The following TIAM1 variants were observed in gnomAD, a reference collection of about 807,000 sequenced individuals.
TIAM1 encodes TIAM Rac1 associated GEF 1, also known as rho guanine nucleotide exchange factor TIAM1.
TIAM1 carries 65 observed loss-of-function variants against 163.5 expected under a neutral mutation model. The observed-to-expected ratio is 0.40, with a 90% CI of 0.33 to 0.49. The LOEUF is 0.49. Ranked by LOEUF, TIAM1 falls within the 20% of genes least tolerant of loss-of-function variation. The pLI, the probability that TIAM1 is intolerant of heterozygous loss-of-function variation, is 0.77. For synonymous variants in TIAM1, 833 were observed against 810.1 expected (o/e 1.03, Z -0.48); for missense variants, 1,789 against 2,044.7 (o/e 0.87, Z 2.41).
chr21:31,449,352 A>T (rs773766432), intron 2 of TIAM1, among the ~76,000 whole-genome samples: 10 of 151,978 alleles, frequency 6.6e-5, no homozygotes, highest in Non-Finnish European at 1.5e-4. Flanking sequence ...AAAAACAGTC[A>T]TAGTTCTTTT....
chr21:31,404,816 A>C (rs1293656227), intron 2 of TIAM1, among the ~76,000 whole-genome samples: 2 of 152,126 alleles, frequency 1.3e-5, no homozygotes, highest in Non-Finnish European at 2.9e-5. Flanking sequence ...ACTTCTTGTA[A>C]GTAAGTCCAC....
intron 15 of TIAM1, among the ~76,000 whole-genome samples, chr21:31,168,184 A>G (rs543809201): frequency 2.7e-5 from 4 of 145,598 alleles, no homozygotes; most frequent in African/African-American, 1.0e-4. Flanking sequence ...CCTCCGCCCC[A>G]TGGGTTCAAG....
chr21:31,324,811 ATTTC>A (rs1196816616), intron 2 of TIAM1, among the ~76,000 whole-genome samples: 1 of 152,220 alleles, frequency 6.6e-6, no homozygotes, highest in Admixed American at 6.5e-5. Context: ...CAACAAAATC[ATTTC>A]TTTAAGTATT....
chr21:31,311,684 G>A, intron 2 of TIAM1, among the ~76,000 whole-genome samples: 1 of 152,214 alleles, frequency 6.6e-6, no homozygotes, highest in East Asian at 1.9e-4. Context: ...GGACTGAGCA[G>A]TGATTGAGAA....
At chr21:31,385,884 A>AATATAATTAATTAGTTG (rs58893902) in intron 2 of TIAM1, among the ~76,000 whole-genome samples, 57,231 of 145,338 alleles carry the variant, frequency 0.39, 11,602 homozygotes, top group Middle Eastern at 0.54. Context: ...TATATTAGTT[A>AATATAATTAATTAGTTG]ATATAATTAT....
intron 1 of TIAM1, among the ~76,000 whole-genome samples, chr21:31,556,556 C>A (rs1349201281): frequency 6.6e-6 from 1 of 151,378 alleles, no homozygotes; most frequent in Non-Finnish European, 1.5e-5. Flanking sequence ...TCAATAAAAT[C>A]TTTGTCGTTA....
chr21:31,156,324 C>T (rs1036403199), intron 16 of TIAM1, among the ~76,000 whole-genome samples: 1 of 152,168 alleles, frequency 6.6e-6, no homozygotes, highest in African/African-American at 2.4e-5. Flanking sequence ...GTGTCAGTCA[C>T]CTGTCAGTGG....
At chr21:31,422,039 AAAC>A (rs1892920647) in intron 2 of TIAM1, among the ~76,000 whole-genome samples, 1 of 152,060 alleles carries the variant, frequency 6.6e-6, no homozygotes, top group Admixed American at 6.6e-5. Flanking sequence ...AAAAAACAAA[AAAC>A]AACAACAAAA....
Position 31,367,834 on chromosome 21 carries a change from T to C in TIAM1, c.-368-28412A>G, listed in dbSNP as rs2284500. On this transcript the variant is annotated intron_variant, in intron 2 of 28. Transcript: ENST00000286827. ...ATCCTCATGGGCCACTAAATTATAA[T>C]ATTTTAACTTCAAATGACGTCTAAC... Among the ~76,000 whole-genome samples the C allele has an allele frequency of 3.1e-3, 479 of 152,362 alleles. 11 individuals are homozygous for C. The East Asian group carries it at 0.061, about 20-fold the overall frequency.
At chr21:31,342,977 T>A (rs1244065179) in intron 1 of TIAM1, among the ~76,000 whole-genome samples, 4 of 152,160 alleles carry the variant, frequency 2.6e-5, no homozygotes, top group Admixed American at 2.6e-4. Flanking sequence ...AGAAAAATGA[T>A]AAAATCAGCT....
chr21:31,389,771 T>C (rs1474664231), intron 2 of TIAM1, among the ~76,000 whole-genome samples: 1 of 152,220 alleles, frequency 6.6e-6, no homozygotes, highest in Admixed American at 6.5e-5. Flanking sequence ...ACCTACTTAG[T>C]GAGAACAAGC....
intron 2 of TIAM1, chr21:31,453,355 A>G (rs2044948428): frequency 6.3e-6 from 1 of 159,532 alleles, no homozygotes; most frequent in African/African-American, 2.4e-5. Flanking sequence ...GGGTGTCTAT[A>G]GGTAGGGAGA....
chr21:31,337,512 A>G lies in TIAM1; in HGVS notation c.-189+1731T>C, dbSNP rs534155069. ...AATAATTGTTGTTTTTATTATTATTATTGTTGTTATTATTATTATTATTAT... is the reference window on the plus strand; with the variant it reads ...AATAATTGTTGTTTTTATTATTATTGTTGTTGTTATTATTATTATTATTAT... On this transcript the variant is annotated intron_variant, in intron 2 of 27. Transcript: ENST00000541036. Among the ~76,000 whole-genome samples, 1,284 of 131,630 alleles carry G rather than the reference A, an allele frequency of 9.8e-3. 17 individuals are homozygous for G. Among genetic ancestry groups the G allele is most frequent in the Middle Eastern group, 0.039 (9 of 232 alleles). 86.4% of individuals were successfully genotyped at this position (131,630 alleles called of 152,430 possible).
At chr21:31,338,575 A>C (rs2075922708) in intron 2 of TIAM1, among the ~76,000 whole-genome samples, 1 of 152,156 alleles carries the variant, frequency 6.6e-6, no homozygotes, top group African/African-American at 2.4e-5. Flanking sequence ...TTAGAAGGGA[A>C]ACTGAAGTAC....
intron 2 of TIAM1, among the ~76,000 whole-genome samples, chr21:31,409,094 C>T (rs2077298351): frequency 2.0e-5 from 3 of 150,454 alleles, no homozygotes; most frequent in Admixed American, 6.6e-5. Context: ...ATGGCAGCAA[C>T]TCAGACCTTC....
At chr21:31,171,160 G>A (rs569283971) in intron 15 of TIAM1, among the ~76,000 whole-genome samples, 4 of 151,962 alleles carry the variant, frequency 2.6e-5, no homozygotes, top group Non-Finnish European at 4.4e-5. Flanking sequence ...ATGCTAGGAC[G>A]GTAGATTACC....
intron 2 of TIAM1, among the ~76,000 whole-genome samples, chr21:31,433,209 T>A (rs2044102206): frequency 6.6e-6 from 1 of 152,200 alleles, no homozygotes; most frequent in Admixed American, 6.5e-5. Context: ...CTAGATTTGA[T>A]CCTAGCCTTT....
chr21:31,121,167 G>T (rs1382998674), intron 27 of TIAM1, among the ~76,000 whole-genome samples: 1 of 152,122 alleles, frequency 6.6e-6, no homozygotes, highest in Admixed American at 6.6e-5. Context: ...TAAGAGATGG[G>T]TAACACAGAC....
At chr21:31,497,057 A>C (rs948403764) in intron 1 of TIAM1, among the ~76,000 whole-genome samples, 1 of 152,022 alleles carries the variant, frequency 6.6e-6, no homozygotes, top group Non-Finnish European at 1.5e-5. Context: ...ATGCTCACCC[A>C]CCTGCCACTC....
Sources: allele counts gnomAD v4.1 joint callset (sites outside exome capture counted in the v4.1 genomes callset), GRCh38; gene constraint gnomAD v4.1.1; transcripts MANE v1.5; gene names NCBI Gene and HGNC (gene_info 2026-07-23, HGNC 2026-07-21).